Variants in DYM observed in about 807,000 individuals in gnomAD.
DYM encodes dymeclin, also known as dyggve-Melchior-Clausen syndrome protein.
In DYM, 78 loss-of-function variants were observed where a neutral mutation model predicts 93.1. The observed-to-expected ratio is 0.84, with a 90% CI of 0.70 to 1.01. DYM has a LOEUF of 1.01. Among genes scored for constraint, DYM ranks in the 50% least tolerant of loss-of-function variants. The pLI is 0.00. For missense variants in DYM, 789 were observed against 845.0 expected (o/e 0.93, Z 0.82); for synonymous variants, 321 against 319.7 (o/e 1.00, Z -0.04).
At chr18:49,127,009 C>T (rs535042612) in intron 15 of DYM, among the ~76,000 whole-genome samples, 2 of 152,222 alleles carry the variant, frequency 1.3e-5, no homozygotes, top group East Asian at 3.9e-4. Context: ...GAAAACTAAC[C>T]GTATTTCCTC....
chr18:49,343,890 T>C (rs998299993), intron 6 of DYM, among the ~76,000 whole-genome samples: 7 of 151,784 alleles, frequency 4.6e-5, no homozygotes, highest in African/African-American at 1.7e-4. Context: ...GGAGGATCAC[T>C]TGAGGCCAGG....
At chr18:49,210,067 G>A (rs956834999) in intron 13 of DYM, among the ~76,000 whole-genome samples, 1 of 152,190 alleles carries the variant, frequency 6.6e-6, no homozygotes, top group African/African-American at 2.4e-5. Flanking sequence ...CCAAATGCAG[G>A]CGAGGATGTG....
intron 17 of DYM, among the ~76,000 whole-genome samples, chr18:49,052,446 A>G (rs1486903150): frequency 2.0e-5 from 3 of 152,266 alleles, no homozygotes; most frequent in Non-Finnish European, 4.4e-5. Flanking sequence ...AGCACTAAGG[A>G]CACTGGGGAC....
At chr18:49,223,015 T>C (rs939401460) in intron 13 of DYM, among the ~76,000 whole-genome samples, 4 of 152,148 alleles carry the variant, frequency 2.6e-5, no homozygotes, top group Non-Finnish European at 4.4e-5. Flanking sequence ...CCTGATATGA[T>C]AGAATATGAA....
chr18:49,403,131 C>T (rs563554221), intron 2 of DYM, among the ~76,000 whole-genome samples: 1 of 151,680 alleles, frequency 6.6e-6, no homozygotes, highest in African/African-American at 2.4e-5. Context: ...ATTTATTTAT[C>T]CCTTAATACA....
intron 17 of DYM, among the ~76,000 whole-genome samples, chr18:49,056,111 C>T (rs1458382948): frequency 6.6e-6 from 1 of 152,136 alleles, no homozygotes; most frequent in Admixed American, 6.6e-5. Flanking sequence ...TCAAGTCGTT[C>T]CTGTCTCTTC....
chr18:49,117,996 C>CTTTTTTTTT (rs35936099), intron 16 of DYM, among the ~76,000 whole-genome samples: 54 of 53,474 alleles, frequency 1.0e-3, no homozygotes, highest in Admixed American at 1.3e-3. Context: ...TGTGCCCAGC[C>CTTTTTTTTT]TTTTTTTTTT....
intron 2 of DYM, among the ~76,000 whole-genome samples, chr18:49,415,407 C>T (rs1258757112): frequency 6.8e-6 from 1 of 147,258 alleles, no homozygotes; most frequent in Non-Finnish European, 1.5e-5. Context: ...ACAAGTTACT[C>T]TTGGTTGTTA....
chr18:49,069,791 C>T (rs138525800), intron 17 of DYM, among the ~76,000 whole-genome samples: 134 of 152,244 alleles, frequency 8.8e-4, no homozygotes, highest in Non-Finnish European at 6.5e-4. Flanking sequence ...GCCTGTAATC[C>T]CAGCACTTTG....
chr18:49,283,377 A>G (rs78496008), intron 9 of DYM, among the ~76,000 whole-genome samples: 1,781 of 152,288 alleles, frequency 0.012, 29 homozygotes, highest in African/African-American at 0.041. Context: ...AAAATAAAAT[A>G]AAATATAATC....
intron 15 of DYM, among the ~76,000 whole-genome samples, chr18:49,144,489 T>C (rs1314487359): frequency 6.6e-6 from 1 of 152,180 alleles, no homozygotes; most frequent in East Asian, 1.9e-4. Flanking sequence ...ATTATGAATA[T>C]TTCTCTAAAG....
chr18:49,122,318 A>G (rs12605465), intron 15 of DYM, among the ~76,000 whole-genome samples: 16,121 of 152,196 alleles, frequency 0.11, 1,129 homozygotes, highest in East Asian at 0.25. Context: ...GCCTTCTACC[A>G]TTTTCTCACC....
chr18:49,227,886 T>C (rs896962444), intron 13 of DYM, among the ~76,000 whole-genome samples: 3 of 152,144 alleles, frequency 2.0e-5, no homozygotes, highest in African/African-American at 7.2e-5. Flanking sequence ...GAGATACTTC[T>C]TCAATCTCCG....
intron 13 of DYM, among the ~76,000 whole-genome samples, chr18:49,225,898 T>A (rs2093510756): frequency 6.6e-6 from 1 of 152,168 alleles, no homozygotes; most frequent in Admixed American, 6.5e-5. Context: ...GCTTTCTGAT[T>A]TTAAAATATT....
At chr18:49,233,397 T>G (rs2093769154) in intron 13 of DYM, among the ~76,000 whole-genome samples, 1 of 150,724 alleles carries the variant, frequency 6.6e-6, no homozygotes, top group South Asian at 2.1e-4. Context: ...CGCAGAACAG[T>G]CAGATGAAAA....
chr18:49,140,111 G>C (rs1332119722), intron 15 of DYM, among the ~76,000 whole-genome samples: 1 of 152,096 alleles, frequency 6.6e-6, no homozygotes, highest in African/African-American at 2.4e-5. Context: ...TCAATGGACA[G>C]AGGGCTCTAC....
intron 11 of DYM, among the ~76,000 whole-genome samples, chr18:49,267,222 A>T (rs913803317): frequency 6.6e-6 from 1 of 152,050 alleles, no homozygotes; most frequent in Non-Finnish European, 1.5e-5. Flanking sequence ...AGAAGAGGTA[A>T]TAAGAGTATA....
At chr18:49,095,751 T>C (rs555631182) in intron 17 of DYM, among the ~76,000 whole-genome samples, 1 of 152,192 alleles carries the variant, frequency 6.6e-6, no homozygotes, top group Non-Finnish European at 1.5e-5. Flanking sequence ...TAAATGACAT[T>C]TTATTTTTGA....
rs899226738 is a variant in DYM at position 49,044,018 on chromosome 18, T to C, written c.*37A>G. The C allele has an allele frequency of 1.2e-6, 2 of 1,611,520 alleles. No homozygotes were observed. Among genetic ancestry groups the C allele is most frequent in the Non-Finnish European group, 1.7e-6 (2 of 1,179,482 alleles). On this transcript the variant is annotated 3_prime_UTR_variant, in exon 18 of 18. Coordinates refer to ENST00000675505, the MANE Select transcript of DYM (RefSeq NM_001353214.3). ...GAAATAAAAGAACTTGAAGGGCTGCTTGGCTGGAGGGGTCCGGGTGGGAGA... is the reference window on the plus strand; with the variant it reads ...GAAATAAAAGAACTTGAAGGGCTGCCTGGCTGGAGGGGTCCGGGTGGGAGA...
Sources: gnomAD v4.1 joint callset for allele counts (sites outside exome capture counted in the v4.1 genomes callset) on GRCh38, gnomAD v4.1.1 for gene constraint, MANE v1.5 for transcripts, NCBI Gene and HGNC (gene_info 2026-07-23, HGNC 2026-07-21) for gene names.